IQSEC3: variants seen among roughly 807,000 people sequenced by gnomAD.
IQSEC3 encodes the protein IQ motif and Sec7 domain ArfGEF 3.
A neutral mutation model predicts 105.4 loss-of-function variants in IQSEC3; 50 were observed. The observed-to-expected ratio is 0.47, with a 90% CI of 0.38 to 0.60. The LOEUF is 0.60. Ranked by LOEUF, IQSEC3 falls within the 20% of genes least tolerant of loss-of-function variation. IQSEC3 has a pLI of 0.00. For missense variants in IQSEC3, 1,415 were observed against 1,630.0 expected, an observed-to-expected ratio of 0.87 and a Z score of 2.27; for synonymous variants, 708 against 746.0, an observed-to-expected ratio of 0.95 and a Z score of 0.83.
At chr12:145,828 GT>G (rs782278072) in intron 5 of IQSEC3, among the ~76,000 whole-genome samples, 3 of 152,220 alleles carry the variant, frequency 2.0e-5, no homozygotes, top group Non-Finnish European at 2.9e-5. Context: ...GATGGGGAAC[GT>G]TCCATGCTGG....
chr12:157,702 G>A lies in IQSEC3; in HGVS notation c.2443+8G>A. The A allele has an allele frequency of 6.2e-7, 1 of 1,608,862 alleles. No homozygotes were observed. Among genetic ancestry groups the A allele is most frequent in the East Asian group, 2.2e-5 (1 of 44,808 alleles). On this transcript the variant is annotated splice_region_variant and intron_variant, in intron 7 of 13. Coordinates refer to ENST00000538872, the MANE Select transcript of IQSEC3 (RefSeq NM_001170738.2). Reference sequence around the variant, plus strand: ...TCATCCGAAACCTTCGAGGTGAGGAGGTGGGCACTGGGGCAGGAGGGGCAA... The same window carrying A: ...TCATCCGAAACCTTCGAGGTGAGGAAGTGGGCACTGGGGCAGGAGGGGCAA...
At chr12:85,307 G>A (rs782351107) in intron 1 of IQSEC3, among the ~76,000 whole-genome samples, 11 of 152,336 alleles carry the variant, frequency 7.2e-5, no homozygotes, top group East Asian at 1.9e-4. Context: ...GCTTTGATCC[G>A]TCCTTTCAAG....
At chr12:121,673 C>T (rs977857911) in intron 2 of IQSEC3, among the ~76,000 whole-genome samples, 5 of 152,116 alleles carry the variant, frequency 3.3e-5, no homozygotes, top group African/African-American at 1.2e-4. Flanking sequence ...TTTTCAGTTC[C>T]ATGAAGGTTG....
chr12:73,804 T>C (rs1555068227), intron 1 of IQSEC3, among the ~76,000 whole-genome samples: 1 of 152,290 alleles, frequency 6.6e-6, no homozygotes, highest in Non-Finnish European at 1.5e-5. Context: ...GCCACCTTTC[T>C]ACATGTGCTC....
In IQSEC3 at chr12:174,833, GCT is replaced by G; in HGVS notation, c.3355_3356del (p.Ser1119LeufsTer8). ...CCGCATGGAGCCCCTGCTGAGCCAG[GCT>G]CTCTCCTGCTACACCTCGTCGTCCT... ...LARMEPLLSQ[A>X]LSCYTSSSSD... On this transcript the variant is annotated frameshift_variant, in exon 14 of 14. Transcript: ENST00000538872. LOFTEE classifies it high-confidence loss of function. The G allele has an allele frequency of 6.3e-7, 1 of 1,580,918 alleles. No individual in the cohort carries two copies. Among genetic ancestry groups the G allele is most frequent in the Non-Finnish European group, 8.5e-7 (1 of 1,172,074 alleles).
chr12:82,853 C>T (rs1212889408), intron 1 of IQSEC3, among the ~76,000 whole-genome samples: 1 of 152,224 alleles, frequency 6.6e-6, no homozygotes, highest in Non-Finnish European at 1.5e-5. Flanking sequence ...CAGACAACTA[C>T]AGTAACATGC....
chr12:168,952 C>A, intron 11 of IQSEC3, 61 bp from the exon 12 acceptor site: 1 of 1,403,130 alleles, frequency 7.1e-7, no homozygotes, highest in Non-Finnish European at 1.0e-6. Context: ...TCATTTCCTG[C>A]CTCGCCTCTG....
chr12:72,113 C>T (rs1463672977), intron 1 of IQSEC3, among the ~76,000 whole-genome samples: 1 of 152,276 alleles, frequency 6.6e-6, no homozygotes, highest in East Asian at 1.9e-4. Flanking sequence ...CCTCTTTCCT[C>T]ACTCCCAATC....
intron 2 of IQSEC3, among the ~76,000 whole-genome samples, chr12:102,991 G>A (rs1555076628): frequency 1.3e-5 from 2 of 152,124 alleles, no homozygotes; most frequent in African/African-American, 4.8e-5. Context: ...GGAGCTGGGG[G>A]TGGTGCCTCC....
intron 2 of IQSEC3, among the ~76,000 whole-genome samples, chr12:116,571 C>T (rs1361431388): frequency 5.3e-5 from 8 of 152,234 alleles, no homozygotes; most frequent in Non-Finnish European, 7.3e-5. Context: ...TAAAAGTCTT[C>T]CTTGCTGTAA....
chr12:155,815 G>A (rs950599396), intron 5 of IQSEC3, among the ~76,000 whole-genome samples: 1 of 152,208 alleles, frequency 6.6e-6, no homozygotes, highest in Non-Finnish European at 1.5e-5. Context: ...GCAGTGGGCA[G>A]TGTCAGGGGC....
At chr12:75,851 T>C (rs1480843735) in intron 1 of IQSEC3, among the ~76,000 whole-genome samples, 11 of 152,258 alleles carry the variant, frequency 7.2e-5, no homozygotes, top group Non-Finnish European at 1.0e-4. Flanking sequence ...CACAGCTCAC[T>C]GTCCTGAAGC....
intron 1 of IQSEC3, among the ~76,000 whole-genome samples, chr12:82,565 C>T (rs1389411171): frequency 6.6e-6 from 1 of 152,158 alleles, no homozygotes; most frequent in Non-Finnish European, 1.5e-5. Flanking sequence ...CAGCAAAGGC[C>T]CTGTCCTAAC....
chr12:156,499 TG>T (rs575104614), intron 5 of IQSEC3, among the ~76,000 whole-genome samples: 1 of 151,678 alleles, frequency 6.6e-6, no homozygotes, highest in African/African-American at 2.4e-5. Context: ...CTGGGGCAGC[TG>T]GGGGGAGCTG....
intron 13 of IQSEC3, among the ~76,000 whole-genome samples, chr12:173,860 A>C (rs962911763): frequency 6.6e-6 from 1 of 152,174 alleles, no homozygotes; most frequent in African/African-American, 2.4e-5. Context: ...GAGGGGGCTC[A>C]TGAGCATCAT....
chr12:82,647 A>T (rs1555070987), intron 1 of IQSEC3, among the ~76,000 whole-genome samples: 1 of 152,182 alleles, frequency 6.6e-6, no homozygotes, highest in Non-Finnish European at 1.5e-5. Flanking sequence ...GCTGACATTG[A>T]CCATGCACTT....
At chr12:161,794 G>A (rs1555096304) in intron 7 of IQSEC3, 132 bp from the exon 8 acceptor site, 4 of 802,224 alleles carry the variant, frequency 5.0e-6, no homozygotes, top group East Asian at 2.7e-5. Context: ...ACCAGCCATT[G>A]AAGGCATGGC....
intron 1 of IQSEC3, among the ~76,000 whole-genome samples, chr12:88,313 A>G (rs1289050337): frequency 1.3e-5 from 2 of 152,178 alleles, no homozygotes; most frequent in Non-Finnish European, 2.9e-5. Context: ...CAGAAAAAAC[A>G]CTGAGTTACT....
chr12:162,103 C>T (rs1866918741), intron 8 of IQSEC3, 38 bp downstream of exon 8: 11 of 1,604,940 alleles, frequency 6.9e-6, no homozygotes, highest in Non-Finnish European at 9.4e-6. Flanking sequence ...CGTCTCCTTT[C>T]CTTTCTTTCT....
Sources: allele counts gnomAD v4.1 joint callset (sites outside exome capture counted in the v4.1 genomes callset), GRCh38; gene constraint gnomAD v4.1.1; transcripts MANE v1.5; gene names NCBI Gene and HGNC (gene_info 2026-07-23, HGNC 2026-07-21).